ZMIZ1: variants seen among roughly 807,000 people sequenced by gnomAD.
The protein encoded by ZMIZ1 is zinc finger MIZ-type containing 1.
In ZMIZ1, 17 loss-of-function variants were observed where a neutral mutation model predicts 113.9. That is an observed-to-expected ratio of 0.15 (90% CI 0.10 to 0.22). The LOEUF is 0.22. ZMIZ1 is among the 10% of genes least tolerant of loss of function. The pLI, the probability that ZMIZ1 is intolerant of heterozygous loss-of-function variation, is 1.00. For synonymous variants in ZMIZ1, 607 were observed against 603.1 expected, an observed-to-expected ratio of 1.01 and a Z score of -0.09; for missense variants, 1,059 against 1,477.8, an observed-to-expected ratio of 0.72 and a Z score of 4.65.
chr10:79,312,185 T>A (rs767629212), intron 24 of ZMIZ1, among the ~76,000 whole-genome samples: 1 of 152,008 alleles, frequency 6.6e-6, no homozygotes, highest in African/African-American at 2.4e-5. Context: ...CACCAAGGAG[T>A]GGCGAGCCCT....
At chr10:79,077,456 T>C (rs1025776477) in intron 1 of ZMIZ1, among the ~76,000 whole-genome samples, 4 of 140,350 alleles carry the variant, frequency 2.9e-5, no homozygotes, top group African/African-American at 1.1e-4. Flanking sequence ...TACAGTGGGG[T>C]GTCTCACTAA....
intron 4 of ZMIZ1, among the ~76,000 whole-genome samples, chr10:79,197,853 A>G (rs1847909039): frequency 6.6e-6 from 1 of 152,102 alleles, no homozygotes; most frequent in South Asian, 2.1e-4. Context: ...ATGGTCATCT[A>G]GTAGGTAAAT....
At position 79,095,517 on chromosome 10, in the gene ZMIZ1, C is replaced by A. The variant is rs543427596; in HGVS notation, c.-336-23398C>A. The stretch of plus-strand genomic sequence containing the variant: ...GTTCTCACCTGGCCATGCGGCCTTT[C>A]CGGGTGTCAGGCAGGTCTCTCCGGT... On this transcript the variant is annotated intron_variant, in intron 1 of 24. Coordinates refer to ENST00000334512, the MANE Select transcript of ZMIZ1 (RefSeq NM_020338.4). Among the ~76,000 whole-genome samples the A allele has an allele frequency of 2.0e-5, 3 of 152,334 alleles. No homozygotes were observed. In the South Asian group the frequency reaches 6.2e-4, roughly 32 times the overall value.
chr10:79,238,172 C>A (rs1395915916), intron 7 of ZMIZ1, among the ~76,000 whole-genome samples: 1 of 152,206 alleles, frequency 6.6e-6, no homozygotes, highest in Admixed American at 6.5e-5. Context: ...ATCCTCTCTT[C>A]TCCTCTAGCC....
At position 79,195,365 on chromosome 10, in the gene ZMIZ1, C is replaced by T. The variant is rs138892623; in HGVS notation, c.-49-6219C>T. Among the ~76,000 whole-genome samples, 311 of 152,302 alleles carry T rather than the reference C, an allele frequency of 2.0e-3. 2 individuals carry two copies. Among genetic ancestry groups the T allele is most frequent in the African/African-American group, 7.2e-3 (299 of 41,554 alleles). On this transcript the variant is annotated intron_variant, in intron 4 of 24. Coordinates refer to ENST00000334512, the MANE Select transcript of ZMIZ1 (RefSeq NM_020338.4). ...TGGCTGCTCTGACCAGGAGACATGG[C>T]GGGGGTCCTGAGCCGGGATGGGGGT... is the stretch of plus-strand genomic sequence containing the variant.
chr10:79,216,343 C>G, intron 7 of ZMIZ1, 69 bp downstream of exon 7: 2 of 1,379,060 alleles, frequency 1.5e-6, no homozygotes, highest in Non-Finnish European at 2.0e-6. Flanking sequence ...TAAACCATGC[C>G]TGTTTGCTGC....
At chr10:79,291,261 C>G (rs1853477264) in intron 10 of ZMIZ1, 85 bp downstream of exon 10, 6 of 1,408,918 alleles carry the variant, frequency 4.3e-6, no homozygotes, top group Non-Finnish European at 5.7e-6. Context: ...TAAATCCCAG[C>G]TCCACGCTTT....
chr10:79,098,550 C>T (rs1474016111), intron 1 of ZMIZ1, among the ~76,000 whole-genome samples: 2 of 152,228 alleles, frequency 1.3e-5, no homozygotes, highest in Non-Finnish European at 2.9e-5. Flanking sequence ...CCATTGCAAG[C>T]ACCTGATAAG....
intron 7 of ZMIZ1, chr10:79,243,712 CG>C: frequency 3.4e-6 from 1 of 294,308 alleles, no homozygotes; most frequent in Non-Finnish European, 6.6e-6. Context: ...GGCGCCAGGG[CG>C]GGATCGCGAC....
chr10:79,255,736 C>A (rs1056058773), intron 7 of ZMIZ1, among the ~76,000 whole-genome samples: 1 of 152,114 alleles, frequency 6.6e-6, no homozygotes, highest in Non-Finnish European at 1.5e-5. Context: ...TTCATTTTCC[C>A]GGGGCTCCAA....
At chr10:79,077,120 A>G (rs1842499961) in intron 1 of ZMIZ1, among the ~76,000 whole-genome samples, 1 of 152,146 alleles carries the variant, frequency 6.6e-6, no homozygotes. Flanking sequence ...AGGTGAGAGC[A>G]CACTAGGAAG....
Position 79,298,597 on chromosome 10 carries a change from C to T in ZMIZ1, c.1666+17C>T, listed in dbSNP as rs200345470. The T allele has an allele frequency of 1.9e-6, 3 of 1,583,370 alleles. No homozygotes were observed. Among genetic ancestry groups the T allele is most frequent in the Admixed American group, 1.9e-5 (1 of 51,316 alleles). On this transcript the variant is annotated intron_variant, in intron 15 of 24. Coordinates refer to ENST00000334512, the MANE Select transcript of ZMIZ1 (RefSeq NM_020338.4). ...CACCCCCAGGTGAGGGCCCTCCCTC[C>T]CTCTCTTGGCAGCTCCACCTGGGCC...
chr10:79,085,422 A>T (rs888766413), intron 1 of ZMIZ1, among the ~76,000 whole-genome samples: 5 of 152,222 alleles, frequency 3.3e-5, no homozygotes, highest in Admixed American at 6.5e-5. Context: ...CATTGGGCAG[A>T]GTGGGCAGAG....
intron 4 of ZMIZ1, among the ~76,000 whole-genome samples, chr10:79,169,048 CCT>C (rs1366553647): frequency 2.0e-5 from 3 of 152,210 alleles, no homozygotes; most frequent in African/African-American, 7.2e-5. Context: ...CTACCGCTCC[CCT>C]GAGGCATCTT....
chr10:79,249,244 C>T (rs1273386882), intron 7 of ZMIZ1, among the ~76,000 whole-genome samples: 1 of 152,228 alleles, frequency 6.6e-6, no homozygotes, highest in African/African-American at 2.4e-5. Context: ...GCCACTGTCT[C>T]CTTGCGGTCC....
At chr10:79,129,689 T>C (rs887702608) in intron 2 of ZMIZ1, among the ~76,000 whole-genome samples, 3 of 152,218 alleles carry the variant, frequency 2.0e-5, no homozygotes, top group African/African-American at 4.8e-5. Context: ...CTATTTGCAC[T>C]GAGGGCTTTA....
At chr10:79,211,952 G>C (rs1848545720) in intron 6 of ZMIZ1, among the ~76,000 whole-genome samples, 1 of 152,224 alleles carries the variant, frequency 6.6e-6, no homozygotes, top group Admixed American at 6.5e-5. Context: ...TGCAGCTTCA[G>C]AGGAGGTCAG....
At chr10:79,305,510 A>G in intron 20 of ZMIZ1, 23 bp from the exon 21 acceptor site, 1 of 1,613,678 alleles carries the variant, frequency 6.2e-7, no homozygotes, top group East Asian at 2.2e-5. Context: ...AGCAGAGGCC[A>G]AGCTCCCCAT....
chr10:79,228,041 G>C (rs1849260011), intron 7 of ZMIZ1, among the ~76,000 whole-genome samples: 2 of 152,230 alleles, frequency 1.3e-5, no homozygotes, highest in South Asian at 2.1e-4. Context: ...TTCCCATCCT[G>C]TCTGTGCCCT....
Sources: gnomAD v4.1 joint callset for allele counts (sites outside exome capture counted in the v4.1 genomes callset) on GRCh38, gnomAD v4.1.1 for gene constraint, MANE v1.5 for transcripts, NCBI Gene and HGNC (gene_info 2026-07-23, HGNC 2026-07-21) for gene names.